The following PPM1H variants were observed in gnomAD, a reference collection of about 807,000 sequenced individuals.
The protein encoded by PPM1H is protein phosphatase, Mg2+/Mn2+ dependent 1H, also known as protein phosphatase 1H.
A neutral mutation model predicts 54.9 loss-of-function variants in PPM1H; 27 were observed. That is an observed-to-expected ratio of 0.49 (90% CI 0.36 to 0.68). The LOEUF (loss-of-function observed/expected upper bound fraction) is 0.68, where lower values mean the gene tolerates loss of function less well. PPM1H is among the 30% of genes least tolerant of loss of function. PPM1H has a pLI of 0.00. For synonymous variants in PPM1H, 305 were observed against 270.8 expected, an observed-to-expected ratio of 1.13 and a Z score of -1.24; for missense variants, 596 against 667.8, an observed-to-expected ratio of 0.89 and a Z score of 1.19.
intron 1 of PPM1H, among the ~76,000 whole-genome samples, chr12:62,843,058 G>A (rs1162792088): frequency 6.6e-6 from 1 of 152,228 alleles, no homozygotes; most frequent in Non-Finnish European, 1.5e-5. Context: ...GCTCACGCTT[G>A]TAATTCCAGC....
chr12:62,673,094 C>T (rs1041359910), intron 8 of PPM1H, among the ~76,000 whole-genome samples: 6 of 152,158 alleles, frequency 3.9e-5, no homozygotes, highest in East Asian at 1.9e-4. Flanking sequence ...TCCTTTTCTT[C>T]CTTTGTTTTC....
intron 2 of PPM1H, among the ~76,000 whole-genome samples, chr12:62,815,848 CT>C (rs1326141198): frequency 1.3e-5 from 2 of 151,774 alleles, no homozygotes; most frequent in Non-Finnish European, 2.9e-5. Context: ...AATCAGAGGG[CT>C]TTTTTTTCTT....
At chr12:62,755,858 A>T (rs567952008) in intron 4 of PPM1H, 196 of 784,674 alleles carry the variant, frequency 2.5e-4, no homozygotes, top group Admixed American at 4.7e-4. Context: ...CCCTGCCTCT[A>T]CTGGTGCTGC....
rs76519920 is a variant in PPM1H, at chr12:62,932,082, C to CTT, written c.245+2408_245+2409dup. 2.9e-3 allele frequency among the ~76,000 whole-genome samples: 396 copies of CTT among 135,458 alleles called. 3 individuals carry two copies. Among genetic ancestry groups the CTT allele is most frequent in the African/African-American group, 9.8e-3 (363 of 37,110 alleles). The allele number at this position is 135,458 out of a possible 152,430, so 88.9% of individuals were successfully genotyped here. The stretch of plus-strand genomic sequence containing the variant: ...GTGAGGGCTGGGGAAGAGGGGCTGA[C>CTT]TTTTTTTTTTTTTTTTTAAATAGGT... On this transcript the variant is annotated intron_variant, in intron 1 of 9. Coordinates refer to ENST00000228705, the MANE Select transcript of PPM1H (RefSeq NM_020700.2).
chr12:62,676,608 C>T (rs1368579116), intron 8 of PPM1H, among the ~76,000 whole-genome samples: 10 of 152,154 alleles, frequency 6.6e-5, no homozygotes, highest in South Asian at 4.1e-4. Context: ...GCAAAGTTGT[C>T]GCTGAGCCTG....
chr12:62,876,120 C>G (rs1870158286), intron 1 of PPM1H, among the ~76,000 whole-genome samples: 1 of 152,120 alleles, frequency 6.6e-6, no homozygotes, highest in Admixed American at 6.5e-5. Flanking sequence ...AACTTCCTGT[C>G]CAACCAAATC....
chr12:62,895,981 A>G (rs1038798300), intron 1 of PPM1H, among the ~76,000 whole-genome samples: 3 of 152,210 alleles, frequency 2.0e-5, no homozygotes, highest in Admixed American at 1.3e-4. Context: ...CAAGCAAATA[A>G]TAGTTTAATA....
At chr12:62,703,645 A>T (rs2076156766) in intron 6 of PPM1H, among the ~76,000 whole-genome samples, 1 of 152,032 alleles carries the variant, frequency 6.6e-6, no homozygotes, top group Admixed American at 6.5e-5. Flanking sequence ...GCTGGACAGG[A>T]ACAGACATAA....
intron 1 of PPM1H, among the ~76,000 whole-genome samples, chr12:62,834,198 A>G (rs1029161727): frequency 2.0e-5 from 3 of 152,146 alleles, no homozygotes; most frequent in Non-Finnish European, 4.4e-5. Context: ...TCGGGGGCTT[A>G]TCACACACTC....
At position 62,776,016 on chromosome 12, in the gene PPM1H, G is replaced by C. The variant is rs117487518; in HGVS notation, c.869+12210C>G. On this transcript the variant is annotated intron_variant, in intron 4 of 9. Transcript: ENST00000228705. ...ACGTCTTACTTGATGGCAGGCAAGA[G>C]AGCATGTGAAGGAAACTGCCCTTTA... Among the ~76,000 whole-genome samples the C allele has an allele frequency of 1.1e-3, 161 of 152,308 alleles. 3 individuals carry two copies. The East Asian group carries it at 0.028, about 27-fold the overall frequency.
chr12:62,789,432 C>G (rs1410016844), intron 3 of PPM1H, among the ~76,000 whole-genome samples: 2 of 152,166 alleles, frequency 1.3e-5, no homozygotes, highest in Non-Finnish European at 1.5e-5. Flanking sequence ...CTTACAATGA[C>G]TTATAAATGA....
chr12:62,933,538 C>T (rs1872219823), intron 1 of PPM1H, among the ~76,000 whole-genome samples: 1 of 152,216 alleles, frequency 6.6e-6, no homozygotes, highest in South Asian at 2.1e-4. Context: ...TTTGCGTGCA[C>T]TTTTGCACTC....
intron 4 of PPM1H, among the ~76,000 whole-genome samples, chr12:62,766,360 A>AAAATAAAAT (rs550987919): frequency 5.6e-4 from 85 of 151,870 alleles, no homozygotes; most frequent in African/African-American, 1.9e-3. Context: ...AAACACACAC[A>AAAATAAAAT]AAATAAAATA....
intron 1 of PPM1H, among the ~76,000 whole-genome samples, chr12:62,893,221 C>T (rs1412843834): frequency 1.3e-5 from 2 of 152,130 alleles, no homozygotes; most frequent in Non-Finnish European, 2.9e-5. Context: ...TATTTATTTG[C>T]TAGGGTTGCC....
chr12:62,934,913 C>A lies in PPM1H; in HGVS notation c.-177G>T. ...TGCAGGGGGCCGAGCCCCGGCCTCT[C>A]GTGCTTAGTGCCGCGGTGGCCGCCG... On this transcript the variant is annotated 5_prime_UTR_variant, in exon 1 of 10. The change creates a premature stop within an existing upstream ORF in the 5' untranslated region. Coordinates refer to ENST00000228705, the MANE Select transcript of PPM1H (RefSeq NM_020700.2). The surrounding 1 kb of genome is among the most constrained non-coding windows in gnomAD (Gnocchi z 4.2). 1 of 458,646 alleles carries A rather than the reference C, an allele frequency of 2.2e-6. No homozygotes were observed. Among genetic ancestry groups the A allele is most frequent in the Non-Finnish European group, 3.3e-6 (1 of 303,158 alleles). The allele number at this position is 458,646 out of a possible 1,614,324, so 28.4% of individuals were successfully genotyped here.
intron 1 of PPM1H, among the ~76,000 whole-genome samples, chr12:62,861,517 C>T (rs1869600460): frequency 6.6e-6 from 1 of 152,180 alleles, no homozygotes; most frequent in Non-Finnish European, 1.5e-5. Flanking sequence ...CTTTCTATGA[C>T]TTTTTGCAGG....
At chr12:62,813,867 T>G (rs1228222024) in intron 2 of PPM1H, among the ~76,000 whole-genome samples, 2 of 152,172 alleles carry the variant, frequency 1.3e-5, no homozygotes, top group African/African-American at 4.8e-5. Context: ...GAAAAACACT[T>G]AAATCAATGC....
intron 8 of PPM1H, among the ~76,000 whole-genome samples, chr12:62,679,082 G>A (rs1438675710): frequency 6.6e-6 from 1 of 152,068 alleles, no homozygotes; most frequent in African/African-American, 2.4e-5. Context: ...TGCCTTGTGG[G>A]TTCAAGTGAT....
At chr12:62,700,106 C>T (rs918432200) in intron 6 of PPM1H, among the ~76,000 whole-genome samples, 29 of 152,158 alleles carry the variant, frequency 1.9e-4, no homozygotes, top group African/African-American at 6.0e-4. Context: ...CCCACCTGCC[C>T]CGATGACTTC....
Sources: gnomAD v4.1 joint callset for allele counts (sites outside exome capture counted in the v4.1 genomes callset) on GRCh38, gnomAD v4.1.1 for gene constraint, Gnocchi (gnomAD v3.1) non-coding constraint, MANE v1.5 for transcripts, NCBI Gene and HGNC (gene_info 2026-07-23, HGNC 2026-07-21) for gene names.